Variants in GRAMD1B observed in about 807,000 individuals in gnomAD.
The protein encoded by GRAMD1B is GRAM domain containing 1B.
In GRAMD1B, 37 loss-of-function variants were observed where a neutral mutation model predicts 99.7. That is an observed-to-expected ratio of 0.37 (90% CI 0.29 to 0.49). The LOEUF (loss-of-function observed/expected upper bound fraction) is 0.49, where lower values mean the gene tolerates loss of function less well. GRAMD1B is among the 20% of genes least tolerant of loss of function. The pLI is 0.98. For missense variants in GRAMD1B, 888 were observed against 1,009.2 expected, an observed-to-expected ratio of 0.88 and a Z score of 1.63; for synonymous variants, 427 against 387.6, an observed-to-expected ratio of 1.10 and a Z score of -1.19.
At chr11:123,589,470 GTC>G (rs1396322531) in intron 4 of GRAMD1B, among the ~76,000 whole-genome samples, 2 of 151,710 alleles carry the variant, frequency 1.3e-5, no homozygotes, top group Admixed American at 6.6e-5. Context: ...TTTTTTGAGA[GTC>G]TCTCTCTGCC....
chr11:123,618,188 T>A (rs1484868676), intron 17 of GRAMD1B, among the ~76,000 whole-genome samples: 1 of 152,202 alleles, frequency 6.6e-6, no homozygotes, highest in Non-Finnish European at 1.5e-5. Context: ...CTGTCCTTGC[T>A]GGGTCGTCTC....
Position 123,530,529 on chromosome 11 carries a change from C to T in GRAMD1B, c.453-46838C>T, listed in dbSNP as rs572031292. Among the ~76,000 whole-genome samples, 4 of 152,218 alleles carry T rather than the reference C, an allele frequency of 2.6e-5. No individual in the cohort carries two copies. The South Asian group carries it at 6.2e-4, about 24-fold the overall frequency. ...CTGAGTAGCTGGGATTACAGGCGCC[C>T]GCCACCACACCCAGCTAATTTTTGT... On this transcript the variant is annotated intron_variant, in intron 2 of 19. Transcript: ENST00000635736.
intron 1 of GRAMD1B, among the ~76,000 whole-genome samples, chr11:123,391,932 A>G (rs1947297087): frequency 6.6e-6 from 1 of 152,220 alleles, no homozygotes; most frequent in South Asian, 2.1e-4. Flanking sequence ...CATTTACAAA[A>G]TGTCAGGAGA....
chr11:123,492,802 G>T lies in GRAMD1B; in HGVS notation c.452+11909G>T, dbSNP rs537984618. Among the ~76,000 whole-genome samples, 1 of 151,748 alleles carries T rather than the reference G, an allele frequency of 6.6e-6. No individual in the cohort carries two copies. The highest frequency in any genetic ancestry group is 1.9e-4 in the East Asian group (1 of 5,158). ...AAATGGATTTCAGAGGTAGGGAGAG[G>T]CTAGAGGCAGTAGGTGGCTTAACCT... On this transcript the variant is annotated intron_variant, in intron 2 of 19. Transcript: ENST00000635736. This position sits in a 1 kb window ranked among gnomAD's most constrained non-coding sequence, Gnocchi z 4.2.
At chr11:123,443,235 T>C (rs1404845497) in intron 1 of GRAMD1B, among the ~76,000 whole-genome samples, 2 of 152,228 alleles carry the variant, frequency 1.3e-5, no homozygotes, top group African/African-American at 4.8e-5. Context: ...TATAGGCTAA[T>C]AATAAAAGAT....
chr11:123,582,528 A>G (rs1040571479), intron 3 of GRAMD1B, among the ~76,000 whole-genome samples: 2 of 152,178 alleles, frequency 1.3e-5, no homozygotes, highest in Non-Finnish European at 2.9e-5. Flanking sequence ...AGCACCTTGC[A>G]GAGGGGGACT....
chr11:123,577,726 C>G (rs1208736828), intron 3 of GRAMD1B, 149 bp downstream of exon 3: 2 of 648,678 alleles, frequency 3.1e-6, no homozygotes, highest in Non-Finnish European at 5.4e-6. Context: ...TGAGGTGAGG[C>G]GGGGCAGGCA....
At chr11:123,609,260 T>C (rs1263816702) in intron 12 of GRAMD1B, among the ~76,000 whole-genome samples, 1 of 152,128 alleles carries the variant, frequency 6.6e-6, no homozygotes, top group Non-Finnish European at 1.5e-5. Flanking sequence ...AAGAAGGAGC[T>C]AGGCCGGGCC....
chr11:123,525,866 C>T, intron 2 of GRAMD1B: 1 of 505,686 alleles, frequency 2.0e-6, no homozygotes, highest in Non-Finnish European at 3.6e-6. Flanking sequence ...CTGGCAGCGG[C>T]AGCCACAGCT....
intron 2 of GRAMD1B, among the ~76,000 whole-genome samples, chr11:123,530,437 G>T (rs902844408): frequency 4.6e-5 from 7 of 152,096 alleles, no homozygotes; most frequent in African/African-American, 1.4e-4. Context: ...GAGTGAAGTG[G>T]CGAGATCTTG....
intron 1 of GRAMD1B, among the ~76,000 whole-genome samples, chr11:123,370,596 T>G (rs146124678): frequency 1.1e-3 from 174 of 152,082 alleles, no homozygotes; most frequent in African/African-American, 3.9e-3. Context: ...CACCTCAGCC[T>G]CCGAAAGTGC....
chr11:123,456,944 GAAAA>G (rs1950157526), intron 1 of GRAMD1B, among the ~76,000 whole-genome samples: 1 of 144,816 alleles, frequency 6.9e-6, no homozygotes, highest in Non-Finnish European at 1.5e-5. Context: ...AAAAGAAAAA[GAAAA>G]GAAAGAAAGA....
intron 2 of GRAMD1B, among the ~76,000 whole-genome samples, chr11:123,551,874 T>C (rs539471407): frequency 6.6e-6 from 1 of 152,242 alleles, no homozygotes; most frequent in South Asian, 2.1e-4. Context: ...CCATCATCCT[T>C]CTCAATTTTT....
chr11:123,481,946 T>G (rs1951632314), intron 2 of GRAMD1B, among the ~76,000 whole-genome samples: 1 of 152,156 alleles, frequency 6.6e-6, no homozygotes, highest in Non-Finnish European at 1.5e-5. Flanking sequence ...TTACCACATT[T>G]ATCAACTTAT....
chr11:123,469,534 T>C (rs1950880829), intron 1 of GRAMD1B, among the ~76,000 whole-genome samples: 2 of 152,126 alleles, frequency 1.3e-5, no homozygotes, highest in Admixed American at 1.3e-4. Context: ...TTCATATGAA[T>C]CTTTACTTGT....
chr11:123,489,000 G>A (rs1357360789), intron 2 of GRAMD1B, among the ~76,000 whole-genome samples: 1 of 152,084 alleles, frequency 6.6e-6, no homozygotes, highest in African/African-American at 2.4e-5. Context: ...AGGAACGGCA[G>A]GTGCTAGAGG....
intron 2 of GRAMD1B, among the ~76,000 whole-genome samples, chr11:123,552,783 T>C (rs1945757499): frequency 6.6e-6 from 1 of 152,160 alleles, no homozygotes; most frequent in Non-Finnish European, 1.5e-5. Flanking sequence ...ATTGGAATAA[T>C]AAGATTAAAG....
chr11:123,430,854 A>T lies in GRAMD1B; in HGVS notation c.62A>T (p.Gln21Leu). Residue 21 changes from glutamine (Q) to leucine (L), a missense_variant, in exon 1 of 20, where the codon CAG becomes CTG. Physicochemically the swap from Gln to Leu is moderately radical, Grantham distance 113 (BLOSUM62 -2). This residue lies in a region of GRAMD1B where 233 missense variants were observed against 154.6 expected (regional missense o/e 1.51). Transcript: ENST00000635736. ...PLPALQVPEP[Q>L]GAPEGSPVWS... ...CCCGCCCTGCAGGTGCCCGAGCCGC[A>T]GGGTGCGCCCGAGGGCAGCCCGGTC... 1 of 700,626 alleles carries T rather than the reference A, an allele frequency of 1.4e-6. No individual in the cohort carries two copies. Among genetic ancestry groups the T allele is most frequent in the Admixed American group, 2.0e-5 (1 of 49,910 alleles). 43.4% of individuals were successfully genotyped at this position (700,626 alleles called of 1,614,324 possible). A position where few individuals can be genotyped will look rare whatever the true frequency, so the allele number is the denominator to read the frequency against.
At chr11:123,407,635 A>T (rs949900136) in intron 1 of GRAMD1B, among the ~76,000 whole-genome samples, 1 of 152,220 alleles carries the variant, frequency 6.6e-6, no homozygotes, top group Non-Finnish European at 1.5e-5. Flanking sequence ...TGGCAGTTTT[A>T]CACGGGGTTA....
Sources: gnomAD v4.1 joint callset for allele counts (sites outside exome capture counted in the v4.1 genomes callset) on GRCh38, gnomAD v4.1.1 for gene constraint, gnomAD v4.1.1 regional missense constraint, Gnocchi (gnomAD v3.1) non-coding constraint, MANE v1.5 for transcripts, NCBI Gene and HGNC (gene_info 2026-07-23, HGNC 2026-07-21) for gene names.